Variants in ASIC2 observed in about 807,000 individuals in gnomAD.
The protein encoded by ASIC2 is acid-sensing ion channel 2.
In ASIC2, 25 loss-of-function variants were observed where a neutral mutation model predicts 57.3. That is an observed-to-expected ratio of 0.44 (90% CI 0.32 to 0.61). The LOEUF (loss-of-function observed/expected upper bound fraction) is 0.61. ASIC2 is among the 20% of genes least tolerant of loss of function. The probability of loss-of-function intolerance (pLI) is 0.06; values close to 1 mark genes in which losing one functional copy is unlikely to be tolerated. For synonymous variants in ASIC2, 319 were observed against 307.5 expected, an observed-to-expected ratio of 1.04 and a Z score of -0.39; for missense variants, 641 against 738.1, an observed-to-expected ratio of 0.87 and a Z score of 1.52.
At chr17:34,009,726 A>G (rs1240006529) in intron 1 of ASIC2, among the ~76,000 whole-genome samples, 5 of 152,204 alleles carry the variant, frequency 3.3e-5, no homozygotes, top group Admixed American at 1.3e-4. Context: ...GTTTAAAAAC[A>G]GGCCTTGAGG....
chr17:34,023,587 C>T (rs927290369), intron 1 of ASIC2, among the ~76,000 whole-genome samples: 8 of 152,102 alleles, frequency 5.3e-5, no homozygotes, highest in East Asian at 1.9e-4. Context: ...CTAAGGCCCT[C>T]GTAAAAGAGG....
At chr17:33,923,331 G>T in intron 1 of ASIC2, among the ~76,000 whole-genome samples, 1 of 152,266 alleles carries the variant, frequency 6.6e-6, no homozygotes, top group East Asian at 1.9e-4. Flanking sequence ...TGACTGTTCT[G>T]TCCATCTACC....
Position 33,551,536 on chromosome 17 carries a change from T to A in ASIC2, c.556-439469A>T, listed in dbSNP as rs576591971. Among the ~76,000 whole-genome samples the A allele has an allele frequency of 7.2e-5, 11 of 152,294 alleles. No individual in the cohort carries two copies. In the East Asian group the frequency reaches 2.1e-3, roughly 29 times the overall value. ...GACCAATCAATGGCCACTAAGAATA[T>A]CTTCTCTAGGATTCTGGTCTACTCC... On this transcript the variant is annotated intron_variant, in intron 1 of 9. Transcript: ENST00000359872.
chr17:33,840,849 T>C (rs1264859934), intron 1 of ASIC2, among the ~76,000 whole-genome samples: 2 of 122,030 alleles, frequency 1.6e-5, no homozygotes, highest in East Asian at 2.4e-4. Flanking sequence ...CTTGTTGAAA[T>C]AACATAAAAT....
At chr17:33,228,547 A>G (rs1287233866) in intron 1 of ASIC2, among the ~76,000 whole-genome samples, 9 of 152,214 alleles carry the variant, frequency 5.9e-5, no homozygotes, top group Admixed American at 2.0e-4. Context: ...TAGCCACACA[A>G]TATGTCTCCC....
At position 33,158,603 on chromosome 17, in the gene ASIC2, T is replaced by C. The variant is rs141030878; in HGVS notation, c.709-46536A>G. Among the ~76,000 whole-genome samples, 75 of 152,358 alleles carry C rather than the reference T, an allele frequency of 4.9e-4. 2 individuals are homozygous for C. The East Asian group carries it at 0.013, about 27-fold the overall frequency. The stretch of plus-strand genomic sequence containing the variant: ...GGCATGGCCAAATAATTTTTACCTG[T>C]TACCAAGCCTACTTCTCAGCAACCT... On this transcript the variant is annotated intron_variant, in intron 1 of 9. Transcript: ENST00000225823.
At chr17:33,563,436 C>T (rs191220771) in intron 1 of ASIC2, among the ~76,000 whole-genome samples, 3 of 152,350 alleles carry the variant, frequency 2.0e-5, no homozygotes, top group Non-Finnish European at 4.4e-5. Flanking sequence ...CCTTCTGATT[C>T]TTGCATTTGA....
chr17:33,371,084 G>T (rs1909043818), intron 1 of ASIC2, among the ~76,000 whole-genome samples: 1 of 152,152 alleles, frequency 6.6e-6, no homozygotes, highest in African/African-American at 2.4e-5. Flanking sequence ...TGTGATAAAA[G>T]ATTAGTTTTC....
intron 1 of ASIC2, among the ~76,000 whole-genome samples, chr17:33,418,019 CATGT>C (rs879721132): frequency 0.027 from 2,716 of 101,688 alleles, 55 homozygotes; most frequent in Middle Eastern, 0.053. Flanking sequence ...TGGCTCTCAG[CATGT>C]ATGTATGTGT....
intron 1 of ASIC2, among the ~76,000 whole-genome samples, chr17:33,812,723 A>T (rs1040804302): frequency 1.3e-5 from 2 of 152,340 alleles, no homozygotes; most frequent in South Asian, 4.1e-4. Flanking sequence ...AAGAGCTCAT[A>T]TGAGATTATA....
At chr17:34,021,892 C>T (rs374676525) in intron 1 of ASIC2, among the ~76,000 whole-genome samples, 2 of 140,668 alleles carry the variant, frequency 1.4e-5, no homozygotes, top group Non-Finnish European at 3.0e-5. Flanking sequence ...GGCTGGAGTG[C>T]AGTGGTGCAA....
At chr17:34,089,021 C>T (rs560243162) in intron 1 of ASIC2, among the ~76,000 whole-genome samples, 2 of 152,342 alleles carry the variant, frequency 1.3e-5, no homozygotes, top group South Asian at 2.1e-4. Context: ...TGCTTCGGCT[C>T]GCACACAGTG....
At chr17:33,430,236 T>C (rs1911361961) in intron 1 of ASIC2, among the ~76,000 whole-genome samples, 1 of 152,156 alleles carries the variant, frequency 6.6e-6, no homozygotes, top group South Asian at 2.1e-4. Context: ...CCTTCTCTTA[T>C]GAACTGCATC....
chr17:33,110,848 C>T (rs575096096), intron 2 of ASIC2, among the ~76,000 whole-genome samples: 15 of 152,274 alleles, frequency 9.9e-5, no homozygotes, highest in Non-Finnish European at 1.3e-4. Flanking sequence ...GGCCCAGGGC[C>T]TCCCTCCTGC....
At chr17:33,488,212 C>A (rs537252399) in intron 1 of ASIC2, among the ~76,000 whole-genome samples, 2 of 152,126 alleles carry the variant, frequency 1.3e-5, no homozygotes, top group South Asian at 2.1e-4. Context: ...CACTCTCCCC[C>A]ACCCTGTTTG....
At chr17:33,572,729 G>A (rs752387017) in intron 1 of ASIC2, among the ~76,000 whole-genome samples, 5 of 152,128 alleles carry the variant, frequency 3.3e-5, no homozygotes, top group Non-Finnish European at 4.4e-5. Flanking sequence ...TAGGACCAAT[G>A]GTCACTCCCA....
chr17:33,429,387 T>C (rs1911325395), intron 1 of ASIC2, among the ~76,000 whole-genome samples: 2 of 151,972 alleles, frequency 1.3e-5, no homozygotes, highest in Admixed American at 1.3e-4. Context: ...TTTTGTTTTG[T>C]TTTGTCTTTT....
chr17:33,924,339 G>C (rs1214001981), intron 1 of ASIC2, among the ~76,000 whole-genome samples: 7 of 152,224 alleles, frequency 4.6e-5, no homozygotes, highest in Non-Finnish European at 1.0e-4. Context: ...GGCTTAAGCA[G>C]GAGCCAGAGT....
At chr17:33,675,930 A>G (rs1907805227) in intron 1 of ASIC2, among the ~76,000 whole-genome samples, 1 of 152,204 alleles carries the variant, frequency 6.6e-6, no homozygotes, top group Admixed American at 6.5e-5. Flanking sequence ...ATTTTTTACA[A>G]ATTGAAAATT....
Sources: gnomAD v4.1 joint callset for allele counts (sites outside exome capture counted in the v4.1 genomes callset) on GRCh38, gnomAD v4.1.1 for gene constraint, MANE v1.5 for transcripts, NCBI Gene and HGNC (gene_info 2026-07-23, HGNC 2026-07-21) for gene names.